PAK5: variants seen among roughly 807,000 people sequenced by gnomAD.
PAK5 encodes the protein p21 (RAC1) activated kinase 5, also known as serine/threonine-protein kinase PAK 5.
Under a neutral mutation model 65.9 loss-of-function variants are expected in PAK5, and 16 were observed. That is an observed-to-expected ratio of 0.24 (90% CI 0.16 to 0.37). The LOEUF (loss-of-function observed/expected upper bound fraction) is 0.37. Among genes scored for constraint, PAK5 ranks in the 10% least tolerant of loss-of-function variants. The pLI is 1.00. For missense variants in PAK5, 785 were observed against 903.9 expected, an observed-to-expected ratio of 0.87 and a Z score of 1.69; for synonymous variants, 371 against 354.9, an observed-to-expected ratio of 1.05 and a Z score of -0.51.
intron 1 of PAK5, among the ~76,000 whole-genome samples, chr20:9,716,465 A>C (rs186936038): frequency 1.1e-3 from 165 of 152,310 alleles, no homozygotes; most frequent in Middle Eastern, 3.4e-3. Flanking sequence ...TATATTTGAC[A>C]GAAGTAATAC....
chr20:9,763,101 C>G (rs2048718399), intron 1 of PAK5, among the ~76,000 whole-genome samples: 1 of 151,932 alleles, frequency 6.6e-6, no homozygotes, highest in Non-Finnish European at 1.5e-5. Flanking sequence ...TGCTGATTGC[C>G]TGGGGCTGAG....
intron 1 of PAK5, among the ~76,000 whole-genome samples, chr20:9,772,728 T>C (rs1383465607): frequency 6.6e-6 from 1 of 152,246 alleles, no homozygotes; most frequent in Non-Finnish European, 1.5e-5. Flanking sequence ...ATGAAGTAGA[T>C]GTTGTCAGTG....
rs538829432 is a variant in PAK5, at chr20:9,704,602, A to G, written c.-12+6684T>C. Among the ~76,000 whole-genome samples, 9 of 152,270 alleles carry G rather than the reference A, an allele frequency of 5.9e-5. No homozygotes were observed. The East Asian group carries it at 1.5e-3, about 26-fold the overall frequency. On this transcript the variant is annotated intron_variant, in intron 2 of 9. Coordinates refer to ENST00000353224, the MANE Select transcript of PAK5 (RefSeq NM_177990.4). Reference sequence around the variant, plus strand: ...AATTCCAAAATCCTATCTGTAGGGTATCTTGTCTGCAACTACTTGTTTTAG... The same window carrying G: ...AATTCCAAAATCCTATCTGTAGGGTGTCTTGTCTGCAACTACTTGTTTTAG...
At chr20:9,652,912 T>C (rs1569021733) in intron 2 of PAK5, among the ~76,000 whole-genome samples, 2 of 152,198 alleles carry the variant, frequency 1.3e-5, no homozygotes, top group African/African-American at 4.8e-5. Context: ...TGTCTGCTGG[T>C]TTCTTCTTAT....
intron 9 of PAK5, among the ~76,000 whole-genome samples, 177 bp downstream of exon 9, chr20:9,542,409 A>T (rs533177859): frequency 5.5e-4 from 84 of 152,240 alleles, no homozygotes; most frequent in Non-Finnish European, 1.1e-3. Flanking sequence ...AGGCTGAGTC[A>T]CTTGCCCAGT....
rs2045221345 is a variant in PAK5, at chr20:9,539,373, A to C, written c.*89T>G. ...ACCAATTGGCTGGTCTAGAATGCAC[A>C]GGCCTTTTGCATGTTCTGTGTTTCC... On this transcript the variant is annotated 3_prime_UTR_variant, in exon 10 of 10. Coordinates refer to ENST00000353224, the MANE Select transcript of PAK5 (RefSeq NM_177990.4). The C allele has an allele frequency of 7.7e-7, 1 of 1,300,312 alleles. No homozygotes were observed. Among genetic ancestry groups the C allele is most frequent in the Non-Finnish European group, 1.1e-6 (1 of 911,298 alleles). 80.5% of individuals were successfully genotyped at this position (1,300,312 alleles called of 1,614,324 possible).
At chr20:9,578,214 C>T (rs1292928412) in intron 4 of PAK5, among the ~76,000 whole-genome samples, 1 of 152,106 alleles carries the variant, frequency 6.6e-6, no homozygotes, top group Non-Finnish European at 1.5e-5. Flanking sequence ...GCTCTCTGGG[C>T]CTCAGTTTCC....
intron 2 of PAK5, among the ~76,000 whole-genome samples, chr20:9,680,917 G>A (rs975579359): frequency 3.9e-5 from 6 of 152,174 alleles, no homozygotes; most frequent in East Asian, 3.9e-4. Flanking sequence ...TAGGTGCGGC[G>A]TTTTATGTAT....
chr20:9,640,684 AG>A (rs2047045177), intron 3 of PAK5, among the ~76,000 whole-genome samples: 2 of 152,014 alleles, frequency 1.3e-5, no homozygotes, highest in African/African-American at 4.8e-5. Flanking sequence ...TCTGATGTTC[AG>A]ATGTGTTCAG....
At chr20:9,658,198 A>G (rs1465623960) in intron 2 of PAK5, among the ~76,000 whole-genome samples, 2 of 152,220 alleles carry the variant, frequency 1.3e-5, no homozygotes, top group South Asian at 2.1e-4. Flanking sequence ...CCATCCCAAC[A>G]TTTAGTGACT....
At chr20:9,830,874 G>A (rs1049886076) in intron 1 of PAK5, among the ~76,000 whole-genome samples, 1 of 152,224 alleles carries the variant, frequency 6.6e-6, no homozygotes, top group Non-Finnish European at 1.5e-5. Context: ...GGGATGAGTG[G>A]TATTCAACCC....
chr20:9,677,442 C>T (rs1483219689), intron 2 of PAK5, among the ~76,000 whole-genome samples: 1 of 152,152 alleles, frequency 6.6e-6, no homozygotes, highest in African/African-American at 2.4e-5. Flanking sequence ...AGGGCCTGCA[C>T]CATAGGCTGC....
chr20:9,716,104 AT>A lies in PAK5; in HGVS notation c.-161-4670del, dbSNP rs1246136232. ...AAGAACATGCAGTAGCTGAAAAAAA[AT>A]ATCTTCTCAAAAGCATACCCTAAAA... On this transcript the variant is annotated intron_variant, in intron 1 of 9. Coordinates refer to ENST00000353224, the MANE Select transcript of PAK5 (RefSeq NM_177990.4). Among the ~76,000 whole-genome samples the A allele has an allele frequency of 1.3e-4, 20 of 152,242 alleles. No homozygotes were observed. The South Asian group carries it at 1.9e-3, about 14-fold the overall frequency.
At chr20:9,657,833 C>G (rs1047664912) in intron 2 of PAK5, among the ~76,000 whole-genome samples, 1 of 152,146 alleles carries the variant, frequency 6.6e-6, no homozygotes, top group Non-Finnish European at 1.5e-5. Flanking sequence ...AAATGATTTG[C>G]CTTGTTCAAG....
intron 1 of PAK5, among the ~76,000 whole-genome samples, chr20:9,774,896 C>CA (rs1176926701): frequency 2.0e-5 from 3 of 152,092 alleles, no homozygotes; most frequent in African/African-American, 7.2e-5. Context: ...GCGGAGCTTG[C>CA]AGTGAGCCAA....
intron 3 of PAK5, among the ~76,000 whole-genome samples, chr20:9,622,627 C>G (rs1206814496): frequency 6.6e-6 from 1 of 152,234 alleles, no homozygotes; most frequent in Admixed American, 6.5e-5. Context: ...TGAGCATTAC[C>G]AGCTGAGCTC....
chr20:9,757,661 T>A (rs999722153), intron 1 of PAK5, among the ~76,000 whole-genome samples: 1 of 152,184 alleles, frequency 6.6e-6, no homozygotes, highest in Non-Finnish European at 1.5e-5. Context: ...TTCTCCCTCA[T>A]AAAATGGCCT....
intron 7 of PAK5, among the ~76,000 whole-genome samples, chr20:9,545,275 C>T (rs1314712425): frequency 1.3e-5 from 2 of 152,150 alleles, no homozygotes; most frequent in East Asian, 1.9e-4. Context: ...CTCTTAAGAA[C>T]ATACTGCACC....
At chr20:9,750,148 C>T (rs2048558185) in intron 1 of PAK5, among the ~76,000 whole-genome samples, 1 of 151,914 alleles carries the variant, frequency 6.6e-6, no homozygotes, top group African/African-American at 2.4e-5. Flanking sequence ...AAACATTCTA[C>T]CAGAGGGAAA....
Sources: allele counts gnomAD v4.1 joint callset (sites outside exome capture counted in the v4.1 genomes callset), GRCh38; gene constraint gnomAD v4.1.1; transcripts MANE v1.5; gene names NCBI Gene and HGNC (gene_info 2026-07-23, HGNC 2026-07-21).